The following STK32B variants were observed in gnomAD, a reference collection of about 807,000 sequenced individuals.
STK32B encodes serine/threonine-protein kinase 32B.
A neutral mutation model predicts 52.6 loss-of-function variants in STK32B; 43 were observed. The ratio of observed to expected loss-of-function variants is 0.82; its 90% CI spans 0.64 to 1.05. The LOEUF is 1.05. STK32B is among the 50% of genes least tolerant of loss of function. The probability of loss-of-function intolerance (pLI) is 0.00; values close to 1 mark genes in which losing one functional copy is unlikely to be tolerated. For synonymous variants in STK32B, 238 were observed against 204.3 expected, an observed-to-expected ratio of 1.17 and a Z score of -1.41; for missense variants, 621 against 534.6, an observed-to-expected ratio of 1.16 and a Z score of -1.59.
intron 3 of STK32B, among the ~76,000 whole-genome samples, chr4:5,325,331 T>G (rs925659031): frequency 1.2e-5 from 1 of 81,570 alleles, no homozygotes; most frequent in Non-Finnish European, 1.9e-5. Context: ...AAACAATTGT[T>G]TTTTTTTTCC....
chr4:5,094,866 A>G (rs1036255146), intron 1 of STK32B, among the ~76,000 whole-genome samples: 3 of 152,256 alleles, frequency 2.0e-5, no homozygotes, highest in South Asian at 2.1e-4. Context: ...TCTGCCCTCA[A>G]TGATGTCTGA....
chr4:5,355,782 T>C (rs1734136131), intron 4 of STK32B, among the ~76,000 whole-genome samples: 2 of 152,186 alleles, frequency 1.3e-5, no homozygotes, highest in African/African-American at 2.4e-5. Flanking sequence ...GAAGATATGA[T>C]ACCTGAATCC....
intron 3 of STK32B, among the ~76,000 whole-genome samples, chr4:5,303,090 A>C (rs1435961996): frequency 6.6e-6 from 1 of 151,882 alleles, no homozygotes; most frequent in African/African-American, 2.4e-5. Flanking sequence ...ATTGATGGGC[A>C]TTTGGGCTGG....
chr4:5,038,288 C>T, the STK32B span, among the ~76,000 whole-genome samples: 1 of 152,178 alleles, frequency 6.6e-6, no homozygotes, highest in Non-Finnish European at 1.5e-5. Flanking sequence ...ATGACCTTGG[C>T]CTCAACGAGT....
intron 3 of STK32B, among the ~76,000 whole-genome samples, chr4:5,207,919 T>C (rs1490443076): frequency 2.0e-5 from 3 of 152,280 alleles, no homozygotes; most frequent in Non-Finnish European, 4.4e-5. Context: ...AACATCCACA[T>C]TTCCTTCTCT....
chr4:5,344,767 A>G (rs1033850960), intron 4 of STK32B, among the ~76,000 whole-genome samples: 6 of 151,110 alleles, frequency 4.0e-5, no homozygotes, highest in African/African-American at 1.5e-4. Flanking sequence ...ACCTTTCTTT[A>G]GTTAAAACAG....
At chr4:5,302,351 A>C (rs6814841) in intron 3 of STK32B, among the ~76,000 whole-genome samples, 20,923 of 151,940 alleles carry the variant, frequency 0.14, 2,886 homozygotes, top group African/African-American at 0.36. Flanking sequence ...TTAACATATT[A>C]TTATTATTAG....
intron 3 of STK32B, among the ~76,000 whole-genome samples, chr4:5,200,756 G>A (rs1012415199): frequency 6.6e-6 from 1 of 152,170 alleles, no homozygotes; most frequent in Non-Finnish European, 1.5e-5. Context: ...GCCACTGAAT[G>A]TACTCACCCA....
At chr4:5,459,182 C>G (rs970541566) in intron 8 of STK32B, among the ~76,000 whole-genome samples, 1 of 152,182 alleles carries the variant, frequency 6.6e-6, no homozygotes, top group Non-Finnish European at 1.5e-5. Context: ...GCTGTGACTG[C>G]AGCCACTCAA....
At chr4:5,351,868 T>C (rs184771679) in intron 4 of STK32B, among the ~76,000 whole-genome samples, 1 of 152,146 alleles carries the variant, frequency 6.6e-6, no homozygotes, top group African/African-American at 2.4e-5. Context: ...GATAAATTTC[T>C]GAAGACATAC....
intron 6 of STK32B, among the ~76,000 whole-genome samples, chr4:5,437,180 A>C (rs564707901): frequency 6.6e-6 from 1 of 152,344 alleles, no homozygotes; most frequent in South Asian, 2.1e-4. Flanking sequence ...TGCTGTGCTA[A>C]CTGGGTGACC....
chr4:5,484,117 A>G (rs1040537960), intron 11 of STK32B, among the ~76,000 whole-genome samples: 1 of 152,142 alleles, frequency 6.6e-6, no homozygotes, highest in African/African-American at 2.4e-5. Context: ...CTTGGTGCAG[A>G]GCTGAGTTCA....
chr4:5,319,004 C>T (rs1731304727), intron 3 of STK32B, among the ~76,000 whole-genome samples: 1 of 152,038 alleles, frequency 6.6e-6, no homozygotes, highest in African/African-American at 2.4e-5. Context: ...TGGGGTTTCA[C>T]TGTGTTTGCG....
chr4:5,238,667 A>G (rs1724796334), intron 3 of STK32B, among the ~76,000 whole-genome samples: 1 of 152,222 alleles, frequency 6.6e-6, no homozygotes, highest in South Asian at 2.1e-4. Flanking sequence ...CTGGCAATTT[A>G]AAATTTAGCC....
At chr4:5,369,032 C>T (rs1735061941) in intron 4 of STK32B, among the ~76,000 whole-genome samples, 1 of 152,034 alleles carries the variant, frequency 6.6e-6, no homozygotes. Flanking sequence ...ACAATCCCTG[C>T]CTCCCTTGCA....
At chr4:5,161,740 G>C (rs185990831) in intron 2 of STK32B, among the ~76,000 whole-genome samples, 1 of 152,120 alleles carries the variant, frequency 6.6e-6, no homozygotes, top group Non-Finnish European at 1.5e-5. Context: ...AGCTTCATCC[G>C]CCAAACATAG....
At chr4:5,466,342 A>G (rs950973092) in intron 9 of STK32B, among the ~76,000 whole-genome samples, 2 of 152,200 alleles carry the variant, frequency 1.3e-5, no homozygotes, top group African/African-American at 2.4e-5. Context: ...AATGATTTTT[A>G]TAAAAAAGAT....
intron 3 of STK32B, among the ~76,000 whole-genome samples, chr4:5,209,976 A>G (rs1201575444): frequency 3.3e-5 from 5 of 152,190 alleles, no homozygotes; most frequent in Non-Finnish European, 7.3e-5. Flanking sequence ...TAGGTCAAAT[A>G]TGTGAATTTC....
intron 6 of STK32B, among the ~76,000 whole-genome samples, chr4:5,434,529 C>T (rs1028671568): frequency 4.0e-5 from 6 of 150,804 alleles, no homozygotes; most frequent in Admixed American, 1.3e-4. Context: ...AAATGTATGG[C>T]CTTTGAAGGA....
Sources: allele counts gnomAD v4.1 joint callset (sites outside exome capture counted in the v4.1 genomes callset), GRCh38; gene constraint gnomAD v4.1.1; transcripts MANE v1.5; gene names NCBI Gene and HGNC (gene_info 2026-07-23, HGNC 2026-07-21).